UNC13C: variants seen among roughly 807,000 people sequenced by gnomAD.
UNC13C encodes the protein protein unc-13 homolog C.
A neutral mutation model predicts 245.4 loss-of-function variants in UNC13C; 174 were observed. That is an observed-to-expected ratio of 0.71 (90% CI 0.63 to 0.80). UNC13C has a LOEUF of 0.80. Among genes scored for constraint, UNC13C ranks in the 30% least tolerant of loss-of-function variants. The probability of loss-of-function intolerance (pLI) is 0.00; values close to 1 mark genes in which losing one functional copy is unlikely to be tolerated. For synonymous variants in UNC13C, 992 were observed against 895.1 expected (o/e 1.11, Z -1.93); for missense variants, 2,829 against 2,602.9 (o/e 1.09, Z -1.89).
chr15:54,055,495 A>G (rs1201645776), intron 2 of UNC13C, among the ~76,000 whole-genome samples: 1 of 152,172 alleles, frequency 6.6e-6, no homozygotes, highest in Non-Finnish European at 1.5e-5. Flanking sequence ...TGTTGTACTG[A>G]CAACAGAGAT....
the UNC13C span, among the ~76,000 whole-genome samples, chr15:53,971,770 T>A: frequency 0.23 from 34,421 of 152,054 alleles, 4,663 homozygotes; most frequent in Non-Finnish European, 0.3. Flanking sequence ...TCAGATACTG[T>A]TCCCTTCTAG....
rs906417749 is a variant in UNC13C, at chr15:54,226,355, TG to T, written c.3072-8673del. Among the ~76,000 whole-genome samples, 46 of 152,334 alleles carry T rather than the reference TG, an allele frequency of 3.0e-4. 1 individual carries two copies. The highest frequency in any genetic ancestry group is 1.2e-4 in the Non-Finnish European group (8 of 68,026). On this transcript the variant is annotated intron_variant, in intron 4 of 32. Transcript: ENST00000260323. ...GATGAGTCCATCCTTTTCAATTGCC[TG>T]GAGTAGTTTCAGAAGAAATGGTACC...
rs186124828 is a variant in UNC13C, at chr15:54,326,279, G to T, written c.4425+4184G>T. On this transcript the variant is annotated intron_variant, in intron 14 of 32. Coordinates refer to ENST00000260323, the MANE Select transcript of UNC13C (RefSeq NM_001080534.3). ...TGAAATGGTTGCAGAGGGGAAGGGGGTTGGTAAAAGTTTGGATAAGCTACT... is the reference window on the plus strand; with the variant it reads ...TGAAATGGTTGCAGAGGGGAAGGGGTTTGGTAAAAGTTTGGATAAGCTACT... Among the ~76,000 whole-genome samples, 229 of 152,164 alleles carry T rather than the reference G, an allele frequency of 1.5e-3. 1 individual carries two copies. The highest frequency in any genetic ancestry group is 5.3e-3 in the African/African-American group (221 of 41,544).
At chr15:54,253,240 C>A (rs1449192382) in intron 8 of UNC13C, among the ~76,000 whole-genome samples, 1 of 152,136 alleles carries the variant, frequency 6.6e-6, no homozygotes, top group Admixed American at 6.6e-5. Context: ...ACTTGTGCAC[C>A]TTCAGTCAAG....
intron 1 of UNC13C, among the ~76,000 whole-genome samples, chr15:54,010,019 A>T (rs1055973027): frequency 6.6e-6 from 1 of 152,144 alleles, no homozygotes; most frequent in African/African-American, 2.4e-5. Flanking sequence ...GACAAAGTGG[A>T]TGCTTCTCCA....
At position 54,241,667 on chromosome 15, in the gene UNC13C, T is replaced by C. The variant is rs76029209; in HGVS notation, c.3228+3977T>C. 8.0e-3 allele frequency among the ~76,000 whole-genome samples: 1,219 copies of C among 152,350 alleles called. 29 individuals carry two copies. The East Asian group carries it at 0.088, about 11-fold the overall frequency. ...CACAGTTTGTGAGAATTAAAAGAAA[T>C]AGCTTATGTAGAAAGCTCTTTGTTT... is the stretch of plus-strand genomic sequence containing the variant. On this transcript the variant is annotated intron_variant, in intron 7 of 32. Transcript: ENST00000260323.
At chr15:53,999,122 T>C (rs148637232) in intron 1 of UNC13C, among the ~76,000 whole-genome samples, 3 of 152,178 alleles carry the variant, frequency 2.0e-5, no homozygotes, top group African/African-American at 7.2e-5. Flanking sequence ...AATAAAGCAA[T>C]TGGACAGTGT....
intron 2 of UNC13C, among the ~76,000 whole-genome samples, chr15:54,020,104 A>C (rs987123416): frequency 1.3e-5 from 2 of 152,132 alleles, no homozygotes; most frequent in African/African-American, 4.8e-5. Context: ...GGCTATTCAG[A>C]TGCTCCCTTG....
intron 4 of UNC13C, among the ~76,000 whole-genome samples, chr15:54,167,010 T>G (rs889267817): frequency 6.6e-6 from 1 of 152,210 alleles, no homozygotes; most frequent in African/African-American, 2.4e-5. Context: ...TATAAAGAAC[T>G]TGAATATTCA....
At chr15:54,332,595 A>G (rs1487575631) in intron 15 of UNC13C, among the ~76,000 whole-genome samples, 1 of 152,026 alleles carries the variant, frequency 6.6e-6, no homozygotes, top group African/African-American at 2.4e-5. Context: ...TTCATTGTCA[A>G]CAATTCTATA....
chr15:54,330,267 A>T (rs1044924490), intron 14 of UNC13C, among the ~76,000 whole-genome samples: 2 of 152,210 alleles, frequency 1.3e-5, no homozygotes, highest in African/African-American at 4.8e-5. Flanking sequence ...CAAAACAATA[A>T]GTCATTGGTA....
intron 1 of UNC13C, among the ~76,000 whole-genome samples, chr15:53,996,720 G>A (rs970719623): frequency 1.3e-5 from 2 of 151,802 alleles, no homozygotes; most frequent in Non-Finnish European, 2.9e-5. Flanking sequence ...CATAGAGTAT[G>A]TATTCTTTTG....
Position 54,500,739 on chromosome 15 carries a change from A to G in UNC13C, c.5158-96A>G, listed in dbSNP as rs893176840. 6.3e-6 allele frequency: 6 copies of G among 959,420 alleles called. No individual in the cohort carries two copies. In the Admixed American group the frequency reaches 1.4e-4, roughly 22 times the overall value. 59.4% of individuals were successfully genotyped at this position (959,420 alleles called of 1,614,324 possible). A position where few individuals can be genotyped will look rare whatever the true frequency, so the allele number is the denominator to read the frequency against. ...TATTACTGGGAAATGTAAATATGTG[A>G]TACGGGAGATTCAGTTGTTGATGGG... On this transcript the variant is annotated intron_variant, in intron 21 of 32. Coordinates refer to ENST00000260323, the MANE Select transcript of UNC13C (RefSeq NM_001080534.3).
At chr15:54,495,763 G>A (rs1210624581) in intron 20 of UNC13C, among the ~76,000 whole-genome samples, 2 of 151,974 alleles carry the variant, frequency 1.3e-5, no homozygotes, top group African/African-American at 4.8e-5. Context: ...GGCATTGTGG[G>A]AGTTGGAAGA....
chr15:54,226,984 C>A (rs781588461), intron 4 of UNC13C, among the ~76,000 whole-genome samples: 12 of 152,088 alleles, frequency 7.9e-5, no homozygotes, highest in African/African-American at 1.4e-4. Flanking sequence ...GGGTAGGGGG[C>A]ATGTTTCAGC....
chr15:54,117,881 C>A (rs1362731484), intron 2 of UNC13C, among the ~76,000 whole-genome samples: 2 of 152,050 alleles, frequency 1.3e-5, no homozygotes, highest in Non-Finnish European at 2.9e-5. Context: ...ACGCCTGGCC[C>A]CAAACCATAT....
chr15:54,475,827 A>T (rs919562613), intron 19 of UNC13C, among the ~76,000 whole-genome samples: 1,112 of 110,826 alleles, frequency 0.01, 47 homozygotes, highest in African/African-American at 0.036. Context: ...ATACCCAGTA[A>T]TGGGATGGCT....
At chr15:54,272,872 C>A (rs1300409379) in intron 10 of UNC13C, among the ~76,000 whole-genome samples, 6 of 152,008 alleles carry the variant, frequency 3.9e-5, no homozygotes, top group African/African-American at 1.2e-4. Flanking sequence ...CTTAGGGTCA[C>A]CAAAGAGAAT....
chr15:53,982,907 G>T (rs1893981690), intron 1 of UNC13C, among the ~76,000 whole-genome samples: 1 of 152,092 alleles, frequency 6.6e-6, no homozygotes, highest in Admixed American at 6.6e-5. Context: ...AGAATTACTT[G>T]ACTCTGACTT....
Sources: allele counts gnomAD v4.1 joint callset (sites outside exome capture counted in the v4.1 genomes callset), GRCh38; gene constraint gnomAD v4.1.1; transcripts MANE v1.5; gene names NCBI Gene and HGNC (gene_info 2026-07-23, HGNC 2026-07-21).